PKD1L1: variants seen among roughly 807,000 people sequenced by gnomAD.
The protein encoded by PKD1L1 is polycystin-1-like protein 1.
Under a neutral mutation model 323.4 loss-of-function variants are expected in PKD1L1, and 236 were observed. That is an observed-to-expected ratio of 0.73 (90% CI 0.66 to 0.81). PKD1L1 has a LOEUF of 0.81. Ranked by LOEUF, PKD1L1 falls within the 40% of genes least tolerant of loss-of-function variation. The probability of loss-of-function intolerance (pLI) is 0.00; values close to 1 mark genes in which losing one functional copy is unlikely to be tolerated. For missense variants in PKD1L1, 3,320 were observed against 3,508.0 expected (o/e 0.95, Z 1.35); for synonymous variants, 1,344 against 1,335.0 (o/e 1.01, Z -0.15).
At chr7:47,801,309 C>T (rs1484095869) in intron 53 of PKD1L1, among the ~76,000 whole-genome samples, 1 of 152,188 alleles carries the variant, frequency 6.6e-6, no homozygotes, top group Non-Finnish European at 1.5e-5. Flanking sequence ...ACTTAGGAAG[C>T]ATCAGGAAGG....
intron 7 of PKD1L1, among the ~76,000 whole-genome samples, chr7:47,916,989 T>C (rs1188410690): frequency 1.3e-5 from 2 of 152,166 alleles, no homozygotes; most frequent in Non-Finnish European, 2.9e-5. Flanking sequence ...ATCCCCAGTT[T>C]ACCTTAAAAA....
In PKD1L1 at chr7:47,831,208, A is replaced by G. The variant is rs748016785; in HGVS notation, c.6473+9T>C. ...GACCTGAGGATGTTTGAAAAACTCT[A>G]CAGCTCACCTGTAGGCTAGAAATCC... On this transcript the variant is annotated intron_variant, in intron 42 of 56. Transcript: ENST00000289672. The G allele has an allele frequency of 6.2e-7, 1 of 1,609,524 alleles. No homozygotes were observed. Among genetic ancestry groups the G allele is most frequent in the Admixed American group, 1.7e-5 (1 of 58,536 alleles).
chr7:47,817,762 TG>T (rs1326809453), intron 46 of PKD1L1, among the ~76,000 whole-genome samples: 1 of 151,840 alleles, frequency 6.6e-6, no homozygotes, highest in Non-Finnish European at 1.5e-5. Context: ...CTCAGCTACT[TG>T]GGGGGCTGAG....
Position 47,788,577 on chromosome 7 carries a change from A to ATATATTTTT in PKD1L1, c.8526+4049_8526+4050insAAAAATATA, listed in dbSNP as rs939251075. 1.0e-3 allele frequency among the ~76,000 whole-genome samples: 143 copies of ATATATTTTT among 138,064 alleles called. 1 individual carries two copies. Among genetic ancestry groups the ATATATTTTT allele is most frequent in the African/African-American group, 3.4e-3 (129 of 37,464 alleles). The allele number at this position is 138,064 out of a possible 152,430, so 90.6% of individuals were successfully genotyped here. A position where few individuals can be genotyped will look rare whatever the true frequency, so the allele number is the denominator to read the frequency against. ...CCAGCCCAGTTATATATATATATAT[A>ATATATTTTT]TTTTTTTTTTTTAATTTTAATTTTA... On this transcript the variant is annotated intron_variant, in intron 56 of 56. Transcript: ENST00000289672.
intron 55 of PKD1L1, among the ~76,000 whole-genome samples, chr7:47,794,305 G>A (rs1309341567): frequency 6.6e-6 from 1 of 152,162 alleles, no homozygotes; most frequent in Non-Finnish European, 1.5e-5. Flanking sequence ...TTAGTGGACT[G>A]GGCCCAGGTT....
rs1785426918 is a variant in PKD1L1 at position 47,835,011 on chromosome 7, G to C, written c.6083C>G (p.Pro2028Arg). The C allele has an allele frequency of 5.6e-6, 9 of 1,613,852 alleles. No homozygotes were observed. The highest frequency in any genetic ancestry group is 7.6e-6 in the Non-Finnish European group (9 of 1,179,902). ...TGCTCCTCCTCTAAGTGGGCTGTGT[G>C]GCTCCACTCGGGCAGACCCCGGGGC... is the stretch of plus-strand genomic sequence containing the variant. Reference protein sequence around the residue: ...KEAPGSARVEPHSPLRGGAQT... With the variant: ...KEAPGSARVERHSPLRGGAQT... The change falls in exon 39 of 57, where the codon CCA becomes CGA. Residue 2028 changes from proline (P) to arginine (R), a missense_variant. Physicochemically the swap from Pro to Arg is moderately radical, Grantham distance 103. Coordinates refer to ENST00000289672, the MANE Select transcript of PKD1L1 (RefSeq NM_138295.5).
chr7:47,783,373 T>C (rs1195279859), intron 56 of PKD1L1, among the ~76,000 whole-genome samples: 1 of 152,072 alleles, frequency 6.6e-6, no homozygotes, highest in Non-Finnish European at 1.5e-5. Flanking sequence ...ATTTTTTGAG[T>C]ATTTTGTTTT....
rs576099955 is a variant in PKD1L1 at position 47,893,778 on chromosome 7, A to C, written c.2453+100T>G. ...AAACTTAACGAAAGTTGATGTGCTT[A>C]AAATTTAAAACTATTAATAGCCTCC... is the stretch of plus-strand genomic sequence containing the variant. On this transcript the variant is annotated intron_variant, in intron 15 of 56. Transcript: ENST00000289672. The C allele has an allele frequency of 3.9e-6, 5 of 1,276,502 alleles. No individual in the cohort carries two copies. In the Admixed American group the frequency reaches 1.3e-4, roughly 32 times the overall value. The allele number at this position is 1,276,502 out of a possible 1,614,324, so 79.1% of individuals were successfully genotyped here.
intron 15 of PKD1L1, among the ~76,000 whole-genome samples, chr7:47,892,559 G>A (rs1250148790): frequency 6.6e-6 from 1 of 152,146 alleles, no homozygotes; most frequent in Non-Finnish European, 1.5e-5. Flanking sequence ...AAAGGAGGGA[G>A]GTTGGGAGGT....
chr7:47,813,688 A>T lies in PKD1L1; in HGVS notation c.7173+243T>A. The T allele has an allele frequency of 4.6e-6, 3 of 650,868 alleles. No homozygotes were observed. In the South Asian group the frequency reaches 5.1e-5, roughly 11 times the overall value. 40.3% of individuals were successfully genotyped at this position (650,868 alleles called of 1,614,324 possible). On this transcript the variant is annotated intron_variant, in intron 48 of 56. Coordinates refer to ENST00000289672, the MANE Select transcript of PKD1L1 (RefSeq NM_138295.5). ...CCTAGAATGCCAGTCTCTAAGGCCA[A>T]AGAGTGAATTGAAGAAACCTGCAGC...
rs1583643935 is a variant in PKD1L1, at chr7:47,880,862, T to C, written c.3443-57A>G. On this transcript the variant is annotated intron_variant, in intron 20 of 56. Transcript: ENST00000289672. ...CAGTCAGTGGTCTCAAGGACAGAGGTCACACAGAGTCCTTGGAAATGAGTT... is the reference window on the plus strand; with the variant it reads ...CAGTCAGTGGTCTCAAGGACAGAGGCCACACAGAGTCCTTGGAAATGAGTT... 3 of 1,374,410 alleles carry C rather than the reference T, an allele frequency of 2.2e-6. No individual in the cohort carries two copies. The East Asian group carries it at 7.4e-5, about 34-fold the overall frequency. 85.1% of individuals were successfully genotyped at this position (1,374,410 alleles called of 1,614,324 possible).
chr7:47,856,759 GCCATTT>G (rs1471791269), intron 28 of PKD1L1, among the ~76,000 whole-genome samples: 2 of 152,156 alleles, frequency 1.3e-5, no homozygotes, highest in Non-Finnish European at 2.9e-5. Context: ...ATGCTGATTA[GCCATTT>G]CCATTTCCAT....
chr7:47,929,857 T>TAGAGTTTC (rs1554414759), intron 6 of PKD1L1, among the ~76,000 whole-genome samples: 1 of 152,196 alleles, frequency 6.6e-6, no homozygotes, highest in African/African-American at 2.4e-5. Flanking sequence ...CAGTAAAAGG[T>TAGAGTTTC]AGAGTTTCTC....
intron 7 of PKD1L1, among the ~76,000 whole-genome samples, chr7:47,923,527 C>A (rs1787598402): frequency 6.6e-6 from 1 of 151,722 alleles, no homozygotes; most frequent in South Asian, 2.1e-4. Flanking sequence ...TCCCCAATAA[C>A]CTATGGAAAT....
chr7:47,809,424 A>G (rs1292538573), intron 51 of PKD1L1, 49 bp downstream of exon 51: 1 of 1,336,904 alleles, frequency 7.5e-7, no homozygotes, highest in South Asian at 1.4e-5. Flanking sequence ...TTCAAGATAT[A>G]AACAGTTTAT....
rs771673681 is a variant in PKD1L1 at position 47,931,151 on chromosome 7, C to A, written c.690G>T (p.Gln230His). 1 of 1,614,232 alleles carries A rather than the reference C, an allele frequency of 6.2e-7. No homozygotes were observed. Among genetic ancestry groups the A allele is most frequent in the Non-Finnish European group, 8.5e-7 (1 of 1,180,038 alleles). ...GTGAAATCGGCCACAGGGGCACTCG[C>A]TGGGAGCTGGTCTGAGTGGGTCTGG... is the stretch of plus-strand genomic sequence containing the variant. Reference protein sequence around the residue: ...KVARPTQTSSQRVPLWPISHF... With the variant: ...KVARPTQTSSHRVPLWPISHF... The change falls in exon 6 of 57, where the codon CAG (glutamine) becomes CAT (histidine). Residue 230 changes from glutamine (Q) to histidine (H), a missense_variant. Physicochemically the swap from Gln to His is conservative, Grantham distance 24. Transcript: ENST00000289672.
intron 47 of PKD1L1, 79 bp from the exon 48 acceptor site, chr7:47,814,093 T>G: frequency 8.7e-7 from 1 of 1,147,494 alleles, no homozygotes; most frequent in East Asian, 2.4e-5. Context: ...TCAAAAGGCG[T>G]GGGGCTCTGG....
At chr7:47,860,115 C>G (rs1785993533) in intron 26 of PKD1L1, among the ~76,000 whole-genome samples, 1 of 152,142 alleles carries the variant, frequency 6.6e-6, no homozygotes, top group Non-Finnish European at 1.5e-5. Context: ...TTATTTTTAT[C>G]CATGAACACT....
chr7:47,827,800 C>T (rs943856937), intron 44 of PKD1L1, among the ~76,000 whole-genome samples: 1 of 152,160 alleles, frequency 6.6e-6, no homozygotes, highest in Non-Finnish European at 1.5e-5. Context: ...GGCACTGGCA[C>T]AGTATTTTCT....
Sources: gnomAD v4.1 joint callset for allele counts (sites outside exome capture counted in the v4.1 genomes callset) on GRCh38, gnomAD v4.1.1 for gene constraint, MANE v1.5 for transcripts, NCBI Gene and HGNC (gene_info 2026-07-23, HGNC 2026-07-21) for gene names.